SUMF1: variants seen among roughly 807,000 people sequenced by gnomAD.
The protein encoded by SUMF1 is formylglycine-generating enzyme.
Under a neutral mutation model 47.6 loss-of-function variants are expected in SUMF1, and 48 were observed. The ratio of observed to expected loss-of-function variants is 1.01; its 90% CI spans 0.80 to 1.28. The LOEUF (loss-of-function observed/expected upper bound fraction) is 1.28, where lower values mean the gene tolerates loss of function less well. Ranked by LOEUF, SUMF1 falls within the 50% of genes most tolerant of loss-of-function variation. The pLI is 0.00. For synonymous variants in SUMF1, 230 were observed against 192.1 expected, an observed-to-expected ratio of 1.20 and a Z score of -1.63; for missense variants, 571 against 485.4, an observed-to-expected ratio of 1.18 and a Z score of -1.66.
intron 1 of SUMF1, among the ~76,000 whole-genome samples, chr3:4,455,251 C>A (rs1489548612): frequency 1.3e-5 from 2 of 151,984 alleles, no homozygotes; most frequent in African/African-American, 4.8e-5. Flanking sequence ...TTCAATATCA[C>A]AGAATAAAAC....
At chr3:4,181,270 G>T (rs147195504) in intron 8 of SUMF1, among the ~76,000 whole-genome samples, 1 of 152,076 alleles carries the variant, frequency 6.6e-6, no homozygotes, top group Non-Finnish European at 1.5e-5. Flanking sequence ...ACCTCCTCAC[G>T]TCTACCTCCT....
At chr3:4,168,419 C>T (rs1206339095) in intron 8 of SUMF1, among the ~76,000 whole-genome samples, 1 of 152,164 alleles carries the variant, frequency 6.6e-6, no homozygotes, top group Non-Finnish European at 1.5e-5. Flanking sequence ...ATGAACAGAT[C>T]TGCCATCTCC....
chr3:4,439,758 T>C (rs711644), intron 3 of SUMF1, among the ~76,000 whole-genome samples: 142,963 of 151,512 alleles, frequency 0.94, 67,968 homozygotes, highest in Non-Finnish European at 1. Flanking sequence ...GAGATGAGCT[T>C]TCAGTATGTC....
At chr3:4,144,498 A>T (rs1011326991) in intron 8 of SUMF1, among the ~76,000 whole-genome samples, 2 of 152,150 alleles carry the variant, frequency 1.3e-5, no homozygotes, top group African/African-American at 2.4e-5. Flanking sequence ...GACAAAAATG[A>T]AAAACAAGAG....
rs1446698303 is a variant in SUMF1 at position 4,410,724 on chromosome 3, T to A, written c.954+141A>T. On this transcript the variant is annotated intron_variant, in intron 7 of 8. Coordinates refer to ENST00000272902, the MANE Select transcript of SUMF1 (RefSeq NM_182760.4). ...TGAGGTTGAAATAAGAAACATGCGCTTAATGTGCCTTTAGGGAAATCCCAA... is the reference window on the plus strand; with the variant it reads ...TGAGGTTGAAATAAGAAACATGCGCATAATGTGCCTTTAGGGAAATCCCAA... 7.8e-6 allele frequency: 6 copies of A among 769,664 alleles called. No homozygotes were observed. The Admixed American group carries it at 1.2e-4, about 15-fold the overall frequency. 47.7% of individuals were successfully genotyped at this position (769,664 alleles called of 1,614,324 possible). A position where few individuals can be genotyped will look rare whatever the true frequency, so the allele number is the denominator to read the frequency against.
At chr3:4,067,509 C>A (rs901771400) in intron 9 of SUMF1, among the ~76,000 whole-genome samples, 1 of 152,258 alleles carries the variant, frequency 6.6e-6, no homozygotes, top group South Asian at 2.1e-4. Context: ...CTATGTCATA[C>A]CTTTTGCAAG....
chr3:4,099,309 C>T (rs1268069868), intron 8 of SUMF1, among the ~76,000 whole-genome samples: 1 of 152,102 alleles, frequency 6.6e-6, no homozygotes, highest in African/African-American at 2.4e-5. Context: ...GTTCAACATA[C>T]ATAAATCAAT....
intron 8 of SUMF1, among the ~76,000 whole-genome samples, chr3:4,122,450 G>T (rs1289469647): frequency 1.3e-5 from 2 of 152,088 alleles, no homozygotes; most frequent in Non-Finnish European, 2.9e-5. Context: ...TTTATTTGGG[G>T]ATCATGAAAA....
intron 8 of SUMF1, among the ~76,000 whole-genome samples, chr3:4,295,437 A>G (rs1697830624): frequency 6.6e-6 from 1 of 151,840 alleles, no homozygotes; most frequent in Non-Finnish European, 1.5e-5. Context: ...TGCAAGCAGA[A>G]AAGGCTGGTG....
At chr3:4,244,069 T>C (rs1696605130) in intron 8 of SUMF1, among the ~76,000 whole-genome samples, 1 of 152,220 alleles carries the variant, frequency 6.6e-6, no homozygotes, top group Non-Finnish European at 1.5e-5. Flanking sequence ...TATGAGAGAC[T>C]AGGATTGCAA....
At chr3:4,133,278 G>GTTGGGGATT (rs771405693) in intron 8 of SUMF1, among the ~76,000 whole-genome samples, 8 of 152,092 alleles carry the variant, frequency 5.3e-5, no homozygotes, top group Non-Finnish European at 1.0e-4. Flanking sequence ...TAGTATTTGG[G>GTTGGGGATT]TTGGGGATTA....
rs143027235 is a variant in SUMF1 at position 4,329,332 on chromosome 3, C to T, written c.1014+46998G>A. On this transcript the variant is annotated intron_variant and NMD_transcript_variant, in intron 8 of 12. Coordinates refer to the SUMF1 transcript ENST00000448413. The stretch of plus-strand genomic sequence containing the variant: ...CAGAGGTTCTCCATGAGGGCTCTGC[C>T]CCTGCAGCATACTTCTGCCTGGACA... Among the ~76,000 whole-genome samples, 690 of 152,308 alleles carry T rather than the reference C, an allele frequency of 4.5e-3. 7 individuals are homozygous for T. The highest frequency in any genetic ancestry group is 0.016 in the African/African-American group (664 of 41,562).
chr3:4,312,887 A>AT (rs1559217297), intron 8 of SUMF1: 1 of 1,598,854 alleles, frequency 6.3e-7, no homozygotes, highest in East Asian at 2.2e-5. Flanking sequence ...CAGTGTGTAT[A>AT]TTTTTTACAG....
At chr3:4,277,670 G>T (rs1393440062) in intron 8 of SUMF1, among the ~76,000 whole-genome samples, 1 of 152,100 alleles carries the variant, frequency 6.6e-6, no homozygotes, top group East Asian at 1.9e-4. Flanking sequence ...AAATGAGAAT[G>T]ACTTTATATG....
intron 8 of SUMF1, among the ~76,000 whole-genome samples, chr3:4,354,632 T>C (rs1447340928): frequency 6.6e-6 from 1 of 152,184 alleles, no homozygotes; most frequent in East Asian, 1.9e-4. Flanking sequence ...GCTTTTTTCT[T>C]TTTTAATGTT....
Position 4,137,370 on chromosome 3 carries a change from G to T in SUMF1, c.1015-68625C>A, listed in dbSNP as rs1386701019. 8.7e-5 allele frequency among the ~76,000 whole-genome samples: 13 copies of T among 148,938 alleles called. 1 individual carries two copies. The highest frequency in any genetic ancestry group is 2.5e-4 in the African/African-American group (10 of 40,390). On this transcript the variant is annotated intron_variant and NMD_transcript_variant, in intron 8 of 12. Coordinates refer to the SUMF1 transcript ENST00000448413. ...CATCATTCTCAGCAAACTATTGCAAGAACAAAAAACCAAACACCGCATGTT... is the reference window on the plus strand; with the variant it reads ...CATCATTCTCAGCAAACTATTGCAATAACAAAAAACCAAACACCGCATGTT...
At chr3:4,135,558 T>G (rs1270898875) in intron 8 of SUMF1, among the ~76,000 whole-genome samples, 2 of 152,128 alleles carry the variant, frequency 1.3e-5, no homozygotes, top group African/African-American at 4.8e-5. Context: ...CCTTGAAAAC[T>G]GGCACAAGAC....
chr3:4,108,680 G>T (rs1313617515), intron 8 of SUMF1, among the ~76,000 whole-genome samples: 1 of 151,940 alleles, frequency 6.6e-6, no homozygotes, highest in African/African-American at 2.4e-5. Flanking sequence ...TTATGTAATG[G>T]CCTTCTTTGT....
chr3:4,079,993 AC>A (rs1692525061), intron 8 of SUMF1, among the ~76,000 whole-genome samples: 1 of 151,802 alleles, frequency 6.6e-6, no homozygotes, highest in Non-Finnish European at 1.5e-5. Context: ...TGCTCTCTGG[AC>A]TTCGGTGTCC....
Sources: allele counts gnomAD v4.1 joint callset (sites outside exome capture counted in the v4.1 genomes callset), GRCh38; gene constraint gnomAD v4.1.1; transcripts MANE v1.5; gene names NCBI Gene and HGNC (gene_info 2026-07-23, HGNC 2026-07-21).